The following SMIM26 variants were observed in gnomAD, a reference collection of about 807,000 sequenced individuals.
SMIM26 encodes long intergenic non-protein coding RNA 493.
SMIM26 carries 2 observed loss-of-function variants against 2.5 expected under a neutral mutation model. That is an observed-to-expected ratio of 0.80 (90% confidence interval 0.33 to 2.53). The LOEUF is 2.53. SMIM26 is among the 30% of genes most tolerant of loss of function. The pLI is 0.11. For synonymous variants in SMIM26, 32 were observed against 17.8 expected, an observed-to-expected ratio of 1.80 and a Z score of -2.01; for missense variants, 77 against 46.1, an observed-to-expected ratio of 1.67 and a Z score of -1.94.
intron 1 of SMIM26, among the ~76,000 whole-genome samples, chr20:18,568,409 G>C (rs2060521512): frequency 2.0e-5 from 3 of 152,096 alleles, no homozygotes; most frequent in African/African-American, 7.2e-5. Context: ...TTGGGAGGCC[G>C]AGGTGGGAGA....
At chr20:18,567,632 C>G (rs1253767314) in intron 1 of SMIM26, 36 bp downstream of exon 1, 1 of 698,746 alleles carries the variant, frequency 1.4e-6, no homozygotes, top group South Asian at 1.5e-5. Context: ...CCGGAACACA[C>G]GGCCTTCGAT....
chr20:18,567,814 C>A (rs951186646), intron 1 of SMIM26, among the ~76,000 whole-genome samples: 1 of 152,190 alleles, frequency 6.6e-6, no homozygotes, highest in African/African-American at 2.4e-5. Context: ...AAATCTGAAT[C>A]ATTTACTGGA....
At chr20:18,568,911 G>C (rs1015886501) in intron 1 of SMIM26, 4 of 196,960 alleles carry the variant, frequency 2.0e-5, no homozygotes, top group Non-Finnish European at 4.2e-5. Context: ...CAGTAGCTGG[G>C]GTTATAGGCC....
At chr20:18,567,655 G>T (rs2060518537) in intron 1 of SMIM26, 59 bp downstream of exon 1, 1 of 697,962 alleles carries the variant, frequency 1.4e-6, no homozygotes, top group East Asian at 2.7e-5. Flanking sequence ...GAGTTCCCCG[G>T]GGGTCATGGA....
chr20:18,569,104 C>A (rs906620515), intron 1 of SMIM26, 132 bp from the exon 2 acceptor site: 1 of 562,248 alleles, frequency 1.8e-6, no homozygotes, highest in African/African-American at 1.9e-5. Flanking sequence ...CTTTTCATTC[C>A]TTCCTTCATT....
chr20:18,568,460 G>A (rs2060521581), intron 1 of SMIM26, among the ~76,000 whole-genome samples: 1 of 151,754 alleles, frequency 6.6e-6, no homozygotes, highest in African/African-American at 2.4e-5. Context: ...TGGGCAACAT[G>A]GGGAGACCCC....
intron 1 of SMIM26, 30 bp from the exon 2 acceptor site, chr20:18,569,204 CTT>C (rs11475239): frequency 0.017 from 9,478 of 566,022 alleles, no homozygotes; most frequent in South Asian, 0.028. Context: ...TTCAGGTGTT[CTT>C]TTTTTTTTTT....
chr20:18,569,574 C>CTTTTTTTT (rs71194252), downstream of SMIM26: 1 of 347,398 alleles, frequency 2.9e-6, no homozygotes. Flanking sequence ...TCTGCGTTTT[C>CTTTTTTTT]TTTTTTTTTT....
At chr20:18,568,924 T>G (rs2060523063) in intron 1 of SMIM26, 1 of 218,594 alleles carries the variant, frequency 4.6e-6, no homozygotes, top group Admixed American at 5.2e-5. Context: ...TATAGGCCCA[T>G]GCCACCACGC....
intron 1 of SMIM26, 70 bp from the exon 2 acceptor site, chr20:18,569,166 C>A (rs908578524): frequency 8.1e-6 from 5 of 616,550 alleles, no homozygotes; most frequent in Non-Finnish European, 1.4e-5. Flanking sequence ...ATTTCTAAGA[C>A]TTTAATGACT....
Position 18,569,229 on chromosome 20 carries a change from G to C in SMIM26, c.119-7G>C, listed in dbSNP as rs932516425. 1 of 679,958 alleles carries C rather than the reference G, an allele frequency of 1.5e-6. No homozygotes were observed. Among genetic ancestry groups the C allele is most frequent in the Non-Finnish European group, 2.7e-6 (1 of 376,786 alleles). The allele number at this position is 679,958 out of a possible 1,614,324, so 42.1% of individuals were successfully genotyped here. On this transcript the variant is annotated splice_region_variant and splice_polypyrimidine_tract_variant and intron_variant, in intron 1 of 1. Transcript: ENST00000411646. ...CTTTTTTTTTTTTTCTCTTAATGGT[G>C]ATAAAGTAGACCAAAAGGATGGCTC...
Sources: gnomAD v4.1 joint callset for allele counts (sites outside exome capture counted in the v4.1 genomes callset) on GRCh38, gnomAD v4.1.1 for gene constraint, MANE v1.5 for transcripts, NCBI Gene and HGNC (gene_info 2026-07-23, HGNC 2026-07-21) for gene names.